ACSF2: variants seen among roughly 807,000 people sequenced by gnomAD.
ACSF2 encodes the protein medium-chain acyl-CoA ligase ACSF2, mitochondrial.
ACSF2 carries 52 observed loss-of-function variants against 79.3 expected under a neutral mutation model. That is an observed-to-expected ratio of 0.66 (90% CI 0.53 to 0.83). The LOEUF (loss-of-function observed/expected upper bound fraction) is 0.83, where lower values mean the gene tolerates loss of function less well. Among genes scored for constraint, ACSF2 ranks in the 40% least tolerant of loss-of-function variants. The pLI is 0.00. For synonymous variants in ACSF2, 283 were observed against 312.6 expected (o/e 0.91, Z 1.00); for missense variants, 661 against 803.3 (o/e 0.82, Z 2.14).
At chr17:50,467,997 A>T in intron 10 of ACSF2, 1 of 1,519,034 alleles carries the variant, frequency 6.6e-7, no homozygotes, top group South Asian at 1.3e-5. Context: ...GCCTCCAGGA[A>T]GGGAAGAAGG....
rs771834688 is a variant in ACSF2, at chr17:50,463,527, G to A, written c.1021G>A (p.Ala341Thr). The A allele has an allele frequency of 3.1e-6, 5 of 1,613,992 alleles. No individual in the cohort carries two copies. The Admixed American group carries it at 8.3e-5, about 27-fold the overall frequency. ...LASPIFNGKKALEAISRERGT... is the reference protein window; with the variant it reads ...LASPIFNGKKTLEAISRERGT... ...CTCTCCCATCTTCAATGGCAAGAAG[G>A]CACTGGAGGCCATCAGCAGAGAGAG... is the stretch of plus-strand genomic sequence containing the variant. Residue 341 changes from alanine (A) to threonine (T), a missense_variant, in exon 8 of 16, where the codon GCA (alanine) becomes ACA (threonine). Coordinates refer to ENST00000300441, the MANE Select transcript of ACSF2 (RefSeq NM_025149.6). This position sits in a 1 kb window ranked among gnomAD's most constrained non-coding sequence, Gnocchi z 4.6.
At position 50,471,358 on chromosome 17, in the gene ACSF2, G is replaced by C. The variant is rs990529210; in HGVS notation, c.1323+223G>C. The C allele has an allele frequency of 7.4e-6, 4 of 540,002 alleles. No individual in the cohort carries two copies. The East Asian group carries it at 1.2e-4, about 17-fold the overall frequency. 33.5% of individuals were successfully genotyped at this position (540,002 alleles called of 1,614,324 possible). ...CAGTGGCTGTGAGCGGCTGCCAGCT[G>C]AACTTCTCCGCGGCCTCCCTTCCTG... is the stretch of plus-strand genomic sequence containing the variant. On this transcript the variant is annotated intron_variant, in intron 11 of 15. Transcript: ENST00000300441. The surrounding 1 kb of genome is among the most constrained non-coding windows in gnomAD (Gnocchi z 4.1).
intron 4 of ACSF2, 83 bp from the exon 5 acceptor site, chr17:50,462,101 G>C (rs556127323): frequency 3.4e-6 from 4 of 1,177,588 alleles, no homozygotes; most frequent in East Asian, 2.5e-5. Context: ...ATCTGTATGA[G>C]AGCAGCTGAT....
At chr17:50,460,364 G>A (rs543765126) in intron 1 of ACSF2, 3 of 474,924 alleles carry the variant, frequency 6.3e-6, no homozygotes, top group South Asian at 3.4e-5. Context: ...GTCCTGCTTT[G>A]TAAGATCTGT....
At chr17:50,427,292 G>T (rs181555338) in intron 1 of ACSF2, among the ~76,000 whole-genome samples, 2 of 152,284 alleles carry the variant, frequency 1.3e-5, no homozygotes, top group African/African-American at 4.8e-5. Context: ...TTTTAAAAAG[G>T]CTAAGTAGGA....
intron 1 of ACSF2, among the ~76,000 whole-genome samples, chr17:50,437,782 C>T (rs886627675): frequency 1.9e-4 from 29 of 152,132 alleles, no homozygotes; most frequent in Admixed American, 1.6e-3. Flanking sequence ...GATCATCAAG[C>T]TCCTTGTATT....
intron 1 of ACSF2, among the ~76,000 whole-genome samples, chr17:50,440,848 G>A (rs1444588348): frequency 6.6e-6 from 1 of 152,254 alleles, no homozygotes; most frequent in Admixed American, 6.5e-5. Context: ...GGAGAGGTGA[G>A]CTGGCTCACA....
In ACSF2 at chr17:50,471,452, A is replaced by G. The variant is rs1056986265; in HGVS notation, c.1323+317A>G. ...GCCAGGGTAGCCTCAAAGAGGAGCC[A>G]GAGCACAGAGAGTTTTCCTACACAG... On this transcript the variant is annotated intron_variant, in intron 11 of 15. Coordinates refer to ENST00000300441, the MANE Select transcript of ACSF2 (RefSeq NM_025149.6). This position sits in a 1 kb window ranked among gnomAD's most constrained non-coding sequence, Gnocchi z 4.1. 1 of 377,594 alleles carries G rather than the reference A, an allele frequency of 2.6e-6. No homozygotes were observed. The allele number at this position is 377,594 out of a possible 1,614,324, so 23.4% of individuals were successfully genotyped here.
Position 50,463,368 on chromosome 17 carries a change from G to C in ACSF2, c.889-27G>C, listed in dbSNP as rs1270196281. On this transcript the variant is annotated intron_variant, in intron 7 of 15. Coordinates refer to ENST00000300441, the MANE Select transcript of ACSF2 (RefSeq NM_025149.6). This position sits in a 1 kb window ranked among gnomAD's most constrained non-coding sequence, Gnocchi z 4.6. ...GGAACTGGCGTCTGGCTCCAAGACAGACCCAGCCTCCTGTCTCCATCACCA... is the reference window on the plus strand; with the variant it reads ...GGAACTGGCGTCTGGCTCCAAGACACACCCAGCCTCCTGTCTCCATCACCA... 2.5e-6 allele frequency: 4 copies of C among 1,612,514 alleles called. No individual in the cohort carries two copies.
At chr17:50,458,386 G>A (rs1280429013) in intron 1 of ACSF2, among the ~76,000 whole-genome samples, 1 of 152,124 alleles carries the variant, frequency 6.6e-6, no homozygotes, top group East Asian at 1.9e-4. Flanking sequence ...CCATGCCCCA[G>A]CCACAGAGAC....
chr17:50,461,586 G>A, intron 3 of ACSF2, 47 bp from the exon 4 acceptor site: 1 of 1,613,300 alleles, frequency 6.2e-7, no homozygotes, highest in South Asian at 1.1e-5. Context: ...CAGCAGGAGG[G>A]ACAGGGTCTG....
Position 50,452,583 on chromosome 17 carries a change from G to A in ACSF2, c.129-8094G>A, listed in dbSNP as rs546406476. ...TAATGCATGCAGGGCTTAATACCTA[G>A]GTGACAGGTTGATAGGTGCAGCAAA... On this transcript the variant is annotated intron_variant, in intron 1 of 15. Transcript: ENST00000300441. 2.4e-4 allele frequency among the ~76,000 whole-genome samples: 37 copies of A among 152,214 alleles called. 1 individual carries two copies. In the South Asian group the frequency reaches 7.5e-3, roughly 31 times the overall value.
At chr17:50,433,167 C>T (rs1042311469) in intron 1 of ACSF2, among the ~76,000 whole-genome samples, 6 of 149,396 alleles carry the variant, frequency 4.0e-5, no homozygotes, top group Admixed American at 1.4e-4. Context: ...AGTACAGTGG[C>T]GCGATCTGGG....
intron 10 of ACSF2, among the ~76,000 whole-genome samples, chr17:50,466,073 CTT>C (rs10707664): frequency 0.038 from 4,521 of 119,994 alleles, 126 homozygotes; most frequent in South Asian, 0.096. Flanking sequence ...GTGTTATTTT[CTT>C]TTTTTTTTTT....
intron 1 of ACSF2, among the ~76,000 whole-genome samples, chr17:50,433,487 A>G (rs949866532): frequency 6.6e-6 from 1 of 152,150 alleles, no homozygotes; most frequent in African/African-American, 2.4e-5. Flanking sequence ...TAGAAAACTA[A>G]TATCTAGCCT....
intron 1 of ACSF2, among the ~76,000 whole-genome samples, chr17:50,458,974 G>C (rs557239504): frequency 6.6e-6 from 1 of 152,344 alleles, no homozygotes; most frequent in East Asian, 1.9e-4. Flanking sequence ...CTTAGAAGAA[G>C]GACTGTGGCT....
At chr17:50,455,926 G>C (rs1725103601) in intron 1 of ACSF2, among the ~76,000 whole-genome samples, 3 of 152,134 alleles carry the variant, frequency 2.0e-5, no homozygotes, top group South Asian at 4.1e-4. Context: ...ATCAGCCCCT[G>C]TCGTGACAGA....
chr17:50,469,498 C>T (rs2032996697), intron 10 of ACSF2, among the ~76,000 whole-genome samples: 1 of 152,222 alleles, frequency 6.6e-6, no homozygotes, highest in Admixed American at 6.5e-5. Context: ...GGCGCGCCCC[C>T]ACCCCTCTCT....
At chr17:50,452,255 C>T (rs1369433811) in intron 1 of ACSF2, among the ~76,000 whole-genome samples, 1 of 152,104 alleles carries the variant, frequency 6.6e-6, no homozygotes, top group East Asian at 1.9e-4. Flanking sequence ...ACTGGCACTG[C>T]TGTTTTTCCT....
Sources: gnomAD v4.1 joint callset for allele counts (sites outside exome capture counted in the v4.1 genomes callset) on GRCh38, gnomAD v4.1.1 for gene constraint, Gnocchi (gnomAD v3.1) non-coding constraint, MANE v1.5 for transcripts, NCBI Gene and HGNC (gene_info 2026-07-23, HGNC 2026-07-21) for gene names.